Variants in DCC observed in about 807,000 individuals in gnomAD.
The protein encoded by DCC is DCC netrin 1 receptor.
Under a neutral mutation model 172.5 loss-of-function variants are expected in DCC, and 58 were observed. The ratio of observed to expected loss-of-function variants is 0.34; its 90% CI spans 0.27 to 0.42. The LOEUF (loss-of-function observed/expected upper bound fraction) is 0.42, where lower values mean the gene tolerates loss of function less well. DCC is among the 10% of genes least tolerant of loss of function. The pLI is 1.00. For missense variants in DCC, 1,740 were observed against 1,791.0 expected (o/e 0.97, Z 0.51); for synonymous variants, 709 against 644.5 (o/e 1.10, Z -1.52).
rs149790579 is a variant in DCC, at chr18:52,925,271, C to G, written c.886C>G (p.Leu296Val). Residue 296 changes from leucine to valine, a missense_variant, in exon 5 of 29, where the codon CTT becomes GTT. Physicochemically the swap from Leu to Val is conservative, Grantham distance 32 (BLOSUM62 1). This residue lies in a region of DCC where 1,732 missense variants were observed against 1,767.4 expected (regional missense o/e 0.98). Transcript: ENST00000442544. ...KYSLLGGSNL[L>V]ISNVTDDDSG... is the part of the protein sequence containing the mutation. ...TTCTTTATTGGGTGGAAGCAACTTGCTTATCTCCAATGTGACAGATGATGA... is the reference window on the plus strand; with the variant it reads ...TTCTTTATTGGGTGGAAGCAACTTGGTTATCTCCAATGTGACAGATGATGA... 4.3e-6 allele frequency: 7 copies of G among 1,612,598 alleles called. No individual in the cohort carries two copies. In the East Asian group the frequency reaches 8.9e-5, roughly 21 times the overall value.
intron 5 of DCC, among the ~76,000 whole-genome samples, chr18:52,953,000 C>CAAAAAAAAAAAAAAAAAAAAAAAA (rs11315976): frequency 1.9e-5 from 1 of 52,218 alleles, no homozygotes; most frequent in African/African-American, 8.2e-5. Flanking sequence ...TCTCCTGTCT[C>CAAAAAAAAAAAAAAAAAAAAAAAA]AAAAAAAAAA....
At chr18:53,008,176 AT>A (rs142393716) in intron 5 of DCC, among the ~76,000 whole-genome samples, 2,349 of 152,226 alleles carry the variant, frequency 0.015, 37 homozygotes, top group Non-Finnish European at 0.025. Flanking sequence ...TGTTTTGAAT[AT>A]CTGTTGAAAT....
chr18:52,879,493 G>A (rs1025014017), intron 2 of DCC, among the ~76,000 whole-genome samples: 2 of 138,616 alleles, frequency 1.4e-5, no homozygotes, highest in Non-Finnish European at 3.0e-5. Context: ...GCACGATCTC[G>A]GCTCACTGCA....
At chr18:52,599,939 G>A (rs760090849) in intron 1 of DCC, among the ~76,000 whole-genome samples, 12 of 152,000 alleles carry the variant, frequency 7.9e-5, no homozygotes, top group Non-Finnish European at 1.6e-4. Flanking sequence ...CTTTTTTCCT[G>A]TTGTCTCTGG....
Position 52,859,260 on chromosome 18 carries a change from G to A in DCC, c.413-46784G>A, listed in dbSNP as rs138030155. On this transcript the variant is annotated intron_variant, in intron 2 of 28. Coordinates refer to ENST00000442544, the MANE Select transcript of DCC (RefSeq NM_005215.4). ...ATCCTGTTATCTGATGCTTTGTTGAGGACTAATGGTGGATTGATCCTGTAG... is the reference window on the plus strand; with the variant it reads ...ATCCTGTTATCTGATGCTTTGTTGAAGACTAATGGTGGATTGATCCTGTAG... 2.0e-5 allele frequency among the ~76,000 whole-genome samples: 3 copies of A among 152,268 alleles called. No homozygotes were observed. The East Asian group carries it at 5.8e-4, about 29-fold the overall frequency.
intron 27 of DCC, among the ~76,000 whole-genome samples, chr18:53,514,395 G>T (rs1293223726): frequency 6.6e-6 from 1 of 152,016 alleles, no homozygotes; most frequent in Admixed American, 6.6e-5. Context: ...AAAAGAACTA[G>T]AAAAGCAAGA....
intron 14 of DCC, among the ~76,000 whole-genome samples, chr18:53,324,636 C>G (rs995484469): frequency 6.6e-6 from 1 of 151,982 alleles, no homozygotes; most frequent in Admixed American, 6.6e-5. Flanking sequence ...GAACAGTCAT[C>G]CTGAATAGAG....
intron 8 of DCC, among the ~76,000 whole-genome samples, chr18:53,172,307 T>C (rs562713899): frequency 6.6e-6 from 1 of 152,020 alleles, no homozygotes; most frequent in South Asian, 2.1e-4. Flanking sequence ...ACAGTAGACA[T>C]GGGACTGTCA....
chr18:53,488,115 G>T (rs945484031), intron 26 of DCC, among the ~76,000 whole-genome samples: 1 of 152,168 alleles, frequency 6.6e-6, no homozygotes, highest in Non-Finnish European at 1.5e-5. Flanking sequence ...GACTTTAAAG[G>T]GAAACATGAA....
intron 12 of DCC, among the ~76,000 whole-genome samples, chr18:53,230,949 G>A (rs540174321): frequency 1.1e-3 from 167 of 152,050 alleles, no homozygotes; most frequent in African/African-American, 3.4e-3. Context: ...GTATTATGCA[G>A]ATATGTAGAT....
chr18:52,356,474 G>A (rs1220549099), intron 1 of DCC, among the ~76,000 whole-genome samples: 1 of 152,150 alleles, frequency 6.6e-6, no homozygotes, highest in Non-Finnish European at 1.5e-5. Context: ...AGGGCAGGTA[G>A]CCCAGCTCAA....
rs1327746006 is a variant in DCC, at chr18:52,927,129, G to GTA, written c.985+1764_985+1765dup. 3.8e-4 allele frequency among the ~76,000 whole-genome samples: 19 copies of GTA among 49,672 alleles called. 4 individuals carry two copies. Among genetic ancestry groups the GTA allele is most frequent in the Non-Finnish European group, 6.2e-4 (11 of 17,720 alleles). The allele number at this position is 49,672 out of a possible 152,430, so 32.6% of individuals were successfully genotyped here. A position where few individuals can be genotyped will look rare whatever the true frequency, so the allele number is the denominator to read the frequency against. On this transcript the variant is annotated intron_variant, in intron 5 of 28. Coordinates refer to ENST00000442544, the MANE Select transcript of DCC (RefSeq NM_005215.4). Reference sequence around the variant, plus strand: ...TACACGTATATACGTGTATATACACGTATATACGTGTATATATGTGTATAT... The same window carrying GTA: ...TACACGTATATACGTGTATATACACGTATATATACGTGTATATATGTGTATAT...
intron 27 of DCC, among the ~76,000 whole-genome samples, chr18:53,510,553 G>A (rs940605166): frequency 6.6e-6 from 1 of 152,154 alleles, no homozygotes; most frequent in African/African-American, 2.4e-5. Context: ...GGAGTTGAGA[G>A]AAAGGAGTGC....
At chr18:53,390,212 G>A (rs1344246606) in intron 16 of DCC, among the ~76,000 whole-genome samples, 1 of 151,362 alleles carries the variant, frequency 6.6e-6, no homozygotes, top group Admixed American at 6.6e-5. Flanking sequence ...AGAAAGCCTG[G>A]GCTCTGTCAT....
intron 12 of DCC, among the ~76,000 whole-genome samples, chr18:53,246,635 G>T (rs1167504824): frequency 1.3e-5 from 2 of 152,072 alleles, no homozygotes; most frequent in South Asian, 2.1e-4. Context: ...AAATATTTAT[G>T]CAGAACTGCT....
intron 22 of DCC, among the ~76,000 whole-genome samples, chr18:53,450,116 G>A (rs980469216): frequency 4.0e-5 from 3 of 74,292 alleles, no homozygotes; most frequent in Non-Finnish European, 1.0e-4. Flanking sequence ...TTCCATCATA[G>A]GGGGATATAT....
chr18:52,986,605 G>C (rs2041296774), intron 5 of DCC, among the ~76,000 whole-genome samples: 2 of 151,826 alleles, frequency 1.3e-5, no homozygotes, highest in Admixed American at 1.3e-4. Flanking sequence ...TCTCAACCCA[G>C]TCTTTTTTCA....
At chr18:53,472,431 T>G (rs1410096099) in intron 25 of DCC, among the ~76,000 whole-genome samples, 1 of 152,170 alleles carries the variant, frequency 6.6e-6, no homozygotes, top group Non-Finnish European at 1.5e-5. Flanking sequence ...TACTGTGCAC[T>G]TAGTTGCCTT....
chr18:53,317,838 A>G (rs1038308587), intron 13 of DCC, among the ~76,000 whole-genome samples: 1 of 152,046 alleles, frequency 6.6e-6, no homozygotes, highest in Admixed American at 6.5e-5. Flanking sequence ...TCTCCCCTGT[A>G]TCATCTTTTA....
Sources: allele counts gnomAD v4.1 joint callset (sites outside exome capture counted in the v4.1 genomes callset), GRCh38; gene constraint gnomAD v4.1.1; regional missense constraint gnomAD v4.1.1; transcripts MANE v1.5; gene names NCBI Gene and HGNC (gene_info 2026-07-23, HGNC 2026-07-21).